Variants in PPP2R3B observed in about 807,000 individuals in gnomAD.
The protein encoded by PPP2R3B is protein phosphatase 2 regulatory subunit B''beta, also known as serine/threonine-protein phosphatase 2A regulatory subunit B'' subunit beta.
In PPP2R3B, 68 loss-of-function variants were observed where a neutral mutation model predicts 72.9. The observed-to-expected ratio is 0.93, with a 90% CI of 0.77 to 1.14. The LOEUF (loss-of-function observed/expected upper bound fraction) is 1.14. Among genes scored for constraint, PPP2R3B ranks in the 50% most tolerant of loss-of-function variants. The pLI is 0.00. For synonymous variants in PPP2R3B, 466 were observed against 375.8 expected (o/e 1.24, Z -2.78); for missense variants, 1,018 against 842.0 (o/e 1.21, Z -2.59).
At position 346,208 on chromosome X, in the gene PPP2R3B, G is replaced by T. The variant is rs776319100; in HGVS notation, c.845C>A (p.Thr282Asn). 15 of 1,569,650 alleles carry T rather than the reference G, an allele frequency of 9.6e-6. No homozygotes were observed. The highest frequency in any genetic ancestry group is 7.1e-5 in the East Asian group (3 of 42,154). The part of the protein sequence containing the change: ...AVNRSWSGRI[T>N]CAELRRSSFL... Reference sequence around the variant, plus strand: ...GGAGCTCCTCCGCAGCTCGGCGCAGGTGATCCTGCCGGACCAGGACCGGTT... The same window carrying T: ...GGAGCTCCTCCGCAGCTCGGCGCAGTTGATCCTGCCGGACCAGGACCGGTT... Residue 282 changes from threonine to asparagine, a missense_variant, in exon 6 of 13, where the codon ACC becomes AAC. Coordinates refer to ENST00000390665, the MANE Select transcript of PPP2R3B (RefSeq NM_013239.5).
At position 340,416 on chromosome X, in the gene PPP2R3B, C is replaced by T. The variant is rs1052508881; in HGVS notation, c.1351+349G>A. Among the ~76,000 whole-genome samples the T allele has an allele frequency of 4.0e-5, 6 of 151,654 alleles. 1 individual carries two copies. Among genetic ancestry groups the T allele is most frequent in the African/African-American group, 1.5e-4 (6 of 41,300 alleles). On this transcript the variant is annotated intron_variant, in intron 10 of 12. Coordinates refer to ENST00000390665, the MANE Select transcript of PPP2R3B (RefSeq NM_013239.5). ...CCTCCTCACAAACTCAGTAGGACAG[C>T]GCCTCACAGGGACGTCCCCTCACCC...
At position 386,714 on chromosome X, in the gene PPP2R3B, CCCCCGGACGCCCGCGCCCCGCCCCG is replaced by C; in HGVS notation, c.-48_-24del. 1 of 1,230,680 alleles carries C rather than the reference CCCCCGGACGCCCGCGCCCCGCCCCG, an allele frequency of 8.1e-7. No homozygotes were observed. The highest frequency in any genetic ancestry group is 1.6e-5 in the African/African-American group (1 of 62,968). The allele number at this position is 1,230,680 out of a possible 1,614,324, so 76.2% of individuals were successfully genotyped here. A position where few individuals can be genotyped will look rare whatever the true frequency, so the allele number is the denominator to read the frequency against. ...CATGGCGGGGGCTGGGCCCGCGGCG[CCCCCGGACGCCCGCGCCCCGCCCCG>C]CCCCGGGGGCTTCGGTCCGCCCCGG... On this transcript the variant is annotated 5_prime_UTR_variant, in exon 1 of 13. Coordinates refer to ENST00000390665, the MANE Select transcript of PPP2R3B (RefSeq NM_013239.5).
At chrX:373,664 G>A (rs759979205) in intron 1 of PPP2R3B, 11 of 227,220 alleles carry the variant, frequency 4.8e-5, no homozygotes, top group South Asian at 1.8e-4. Flanking sequence ...GCATGCCGCC[G>A]GCGCGCAGGG....
In PPP2R3B at chrX:334,788, C is replaced by T. The variant is rs190839871; in HGVS notation, c.1578-271G>A. 3.3e-5 allele frequency: 13 copies of T among 396,572 alleles called. No individual in the cohort carries two copies. The South Asian group carries it at 4.1e-4, about 13-fold the overall frequency. The allele number at this position is 396,572 out of a possible 1,614,324, so 24.6% of individuals were successfully genotyped here. A position where few individuals can be genotyped will look rare whatever the true frequency, so the allele number is the denominator to read the frequency against. The stretch of plus-strand genomic sequence containing the variant: ...GTGAGCTACACACAGAGGACCTGGG[C>T]GGGCGCGCCTCTTCCCCAAAGCGAG... On this transcript the variant is annotated intron_variant, in intron 12 of 12. Transcript: ENST00000390665.
chrX:345,295 G>T, intron 7 of PPP2R3B: 2 of 730,252 alleles, frequency 2.7e-6, no homozygotes, highest in Non-Finnish European at 4.8e-6. Context: ...GACGCCCCCA[G>T]GCAGAGGCCT....
intron 1 of PPP2R3B, among the ~76,000 whole-genome samples, chrX:384,731 T>C (rs1183605511): frequency 6.6e-6 from 1 of 152,028 alleles, no homozygotes; most frequent in Non-Finnish European, 1.5e-5. Flanking sequence ...ACGCCTGTCA[T>C]CCCAGCACTT....
chrX:346,365 C>T, intron 5 of PPP2R3B, 105 bp from the exon 6 acceptor site: 1 of 1,142,984 alleles, frequency 8.7e-7, no homozygotes, highest in African/African-American at 1.5e-5. Context: ...GTCTCAGCCG[C>T]ACGGGGCCGC....
At chrX:341,654 C>CGACCTGG in intron 8 of PPP2R3B, 1 of 650,496 alleles carries the variant, frequency 1.5e-6, no homozygotes, top group Non-Finnish European at 2.7e-6. Context: ...CAAGAACCCC[C>CGACCTGG]GACCTGGGGC....
chrX:338,974 T>C, intron 10 of PPP2R3B, 78 bp from the exon 11 acceptor site: 1 of 1,177,530 alleles, frequency 8.5e-7, no homozygotes. Context: ...GCGCGCGTCC[T>C]GTCACACGTG....
intron 7 of PPP2R3B, among the ~76,000 whole-genome samples, chrX:344,635 G>A (rs1422914450): frequency 1.3e-5 from 2 of 152,258 alleles, no homozygotes; most frequent in Non-Finnish European, 2.9e-5. Context: ...TGCAGGTGCT[G>A]GCCCAGGCCA....
At chrX:364,717 C>A (rs1190181326) in intron 1 of PPP2R3B, among the ~76,000 whole-genome samples, 2 of 46,528 alleles carry the variant, frequency 4.3e-5, no homozygotes, top group Non-Finnish European at 6.7e-5. Context: ...GACTCTGTCT[C>A]AAAACAAAAC....
intron 6 of PPP2R3B, among the ~76,000 whole-genome samples, chrX:345,973 G>A (rs1004173290): frequency 6.9e-6 from 1 of 145,846 alleles, no homozygotes; most frequent in Admixed American, 6.8e-5. Flanking sequence ...GATCAACCGT[G>A]GACCCCCAAC....
At chrX:370,395 G>A (rs1361374461) in intron 1 of PPP2R3B, among the ~76,000 whole-genome samples, 1 of 152,170 alleles carries the variant, frequency 6.6e-6, no homozygotes, top group African/African-American at 2.4e-5. Flanking sequence ...CCCAGGCACT[G>A]GCGCCTGCAG....
chrX:353,953 G>A (rs1221765784), intron 2 of PPP2R3B, among the ~76,000 whole-genome samples: 3 of 136,096 alleles, frequency 2.2e-5, no homozygotes, highest in African/African-American at 9.8e-5. Context: ...GGGAGCAGGG[G>A]CTCACCCAAA....
intron 2 of PPP2R3B, among the ~76,000 whole-genome samples, chrX:352,749 A>G (rs2124077526): frequency 1.3e-5 from 2 of 151,962 alleles, no homozygotes; most frequent in South Asian, 4.2e-4. Context: ...CAGGTGTGAG[A>G]GGAGAAAGGA....
rs899308527 is a variant in PPP2R3B at position 345,690 on chromosome X, CG to C, written c.880-19del. On this transcript the variant is annotated intron_variant, in intron 6 of 12. Transcript: ENST00000390665. ...GCCACATTCTGCCAAAGGACCCAGG[CG>C]GCCTGAGCGCGGGGCCTCTGCGGGG... The C allele has an allele frequency of 2.0e-6, 3 of 1,498,270 alleles. No homozygotes were observed. Among genetic ancestry groups the C allele is most frequent in the African/African-American group, 2.8e-5 (2 of 70,704 alleles). The allele number at this position is 1,498,270 out of a possible 1,614,324, so 92.8% of individuals were successfully genotyped here. A position where few individuals can be genotyped will look rare whatever the true frequency, so the allele number is the denominator to read the frequency against.
At chrX:341,115 CCCTGTGCCGTG>C in intron 9 of PPP2R3B, 175 bp from the exon 10 acceptor site, 2 of 423,604 alleles carry the variant, frequency 4.7e-6, no homozygotes, top group Non-Finnish European at 5.2e-6. Context: ...GCACGCGTCC[CCCTGTGCCGTG>C]CAGCCCCCAC....
chrX:353,325 G>A (rs990622127), intron 2 of PPP2R3B, among the ~76,000 whole-genome samples: 59 of 152,110 alleles, frequency 3.9e-4, no homozygotes, highest in Middle Eastern at 3.4e-3. Flanking sequence ...AGTGAGGTGA[G>A]ATGGTGCCAT....
chrX:354,546 A>C (rs374428798), intron 2 of PPP2R3B, among the ~76,000 whole-genome samples: 2 of 152,206 alleles, frequency 1.3e-5, no homozygotes, highest in African/African-American at 2.4e-5. Flanking sequence ...GCACTTTTAT[A>C]ATTTTAAAAA....
Sources: gnomAD v4.1 joint callset for allele counts (sites outside exome capture counted in the v4.1 genomes callset) on GRCh38, gnomAD v4.1.1 for gene constraint, MANE v1.5 for transcripts, NCBI Gene and HGNC (gene_info 2026-07-23, HGNC 2026-07-21) for gene names.